DGKB: variants seen among roughly 807,000 people sequenced by gnomAD.
The protein encoded by DGKB is 90 kDa diacylglycerol kinase.
Under a neutral mutation model 114.3 loss-of-function variants are expected in DGKB, and 67 were observed. That is an observed-to-expected ratio of 0.59 (90% CI 0.48 to 0.72). The LOEUF (loss-of-function observed/expected upper bound fraction) is 0.72. DGKB is among the 30% of genes least tolerant of loss of function. DGKB has a pLI of 0.00. For missense variants in DGKB, 907 were observed against 975.2 expected (o/e 0.93, Z 0.93); for synonymous variants, 398 against 323.1 (o/e 1.23, Z -2.49).
chr7:14,152,320 G>A (rs1476977925), intron 25 of DGKB, among the ~76,000 whole-genome samples: 1 of 151,968 alleles, frequency 6.6e-6, no homozygotes, highest in East Asian at 1.9e-4. Context: ...TGTGAACAAG[G>A]CATTTTGCAA....
chr7:14,778,817 G>A (rs1221367716), intron 2 of DGKB, among the ~76,000 whole-genome samples: 1 of 152,146 alleles, frequency 6.6e-6, no homozygotes, highest in Admixed American at 6.5e-5. Flanking sequence ...AGTAGAAAGA[G>A]AAAATATTTC....
chr7:14,239,651 A>G (rs1054486477), intron 23 of DGKB, among the ~76,000 whole-genome samples: 2 of 152,058 alleles, frequency 1.3e-5, no homozygotes, highest in East Asian at 1.9e-4. Context: ...TGCTAAGATC[A>G]AAAGATCAAT....
At chr7:14,636,194 A>G (rs1291879746) in intron 13 of DGKB, among the ~76,000 whole-genome samples, 1 of 151,796 alleles carries the variant, frequency 6.6e-6, no homozygotes, top group African/African-American at 2.4e-5. Context: ...CAACCTTATC[A>G]TGAACTTTCA....
At chr7:14,250,547 T>C (rs1435313178) in intron 23 of DGKB, among the ~76,000 whole-genome samples, 1 of 152,186 alleles carries the variant, frequency 6.6e-6, no homozygotes, top group East Asian at 1.9e-4. Flanking sequence ...TTAAATGTGT[T>C]AAAATGTGTG....
chr7:14,258,693 A>G (rs1457390561), intron 23 of DGKB, among the ~76,000 whole-genome samples: 2 of 152,214 alleles, frequency 1.3e-5, no homozygotes, highest in Non-Finnish European at 1.5e-5. Flanking sequence ...AAGCACAATC[A>G]AGTCTATGTA....
intron 1 of DGKB, among the ~76,000 whole-genome samples, chr7:14,896,129 A>C (rs997192991): frequency 2.6e-5 from 4 of 151,774 alleles, no homozygotes; most frequent in Non-Finnish European, 4.4e-5. Flanking sequence ...ATATTTCCCC[A>C]ACATGCTTAG....
intron 20 of DGKB, among the ~76,000 whole-genome samples, chr7:14,543,033 T>C (rs561152044): frequency 7.4e-4 from 112 of 152,308 alleles, no homozygotes; most frequent in African/African-American, 2.5e-3. Flanking sequence ...TTGTAACATA[T>C]TACTTGTCCA....
chr7:14,182,650 A>G (rs1450252958), intron 23 of DGKB, among the ~76,000 whole-genome samples: 1 of 152,192 alleles, frequency 6.6e-6, no homozygotes, highest in Non-Finnish European at 1.5e-5. Context: ...CATCTGTTAC[A>G]CAGGTAATCA....
intron 1 of DGKB, among the ~76,000 whole-genome samples, chr7:14,938,486 T>C (rs1045022489): frequency 6.6e-6 from 1 of 152,190 alleles, no homozygotes; most frequent in African/African-American, 2.4e-5. Flanking sequence ...AACAAATCTG[T>C]AGAGAGACAG....
chr7:14,201,791 A>T (rs1785932432), intron 23 of DGKB, among the ~76,000 whole-genome samples: 1 of 151,998 alleles, frequency 6.6e-6, no homozygotes, highest in Non-Finnish European at 1.5e-5. Context: ...ATTACAAATT[A>T]AAAAAATAAG....
chr7:14,584,212 T>C (rs1584957406), intron 17 of DGKB, among the ~76,000 whole-genome samples: 1 of 152,346 alleles, frequency 6.6e-6, no homozygotes, highest in East Asian at 1.9e-4. Flanking sequence ...CATCATGTTT[T>C]ATAATAAGTT....
rs530115247 is a variant in DGKB, at chr7:14,930,895, G to C, written c.-188+43801C>G. Among the ~76,000 whole-genome samples the C allele has an allele frequency of 5.9e-5, 9 of 152,116 alleles. No homozygotes were observed. The East Asian group carries it at 1.7e-3, about 29-fold the overall frequency. On this transcript the variant is annotated intron_variant, in intron 1 of 4. Coordinates refer to the DGKB transcript ENST00000437998. The stretch of plus-strand genomic sequence containing the variant: ...GGGATGTTTCTTCTATGTCTGGTTT[G>C]TTGAGTATTTTTATCATGAAGGTAT...
At chr7:14,638,589 C>G (rs1015165737) in intron 13 of DGKB, among the ~76,000 whole-genome samples, 1 of 152,018 alleles carries the variant, frequency 6.6e-6, no homozygotes, top group African/African-American at 2.4e-5. Flanking sequence ...AAATTAGGCA[C>G]TAGACATAAA....
intron 4 of DGKB, among the ~76,000 whole-genome samples, chr7:14,745,055 C>A (rs1833075231): frequency 6.6e-6 from 1 of 152,272 alleles, no homozygotes; most frequent in African/African-American, 2.4e-5. Flanking sequence ...ACCAAAGGAG[C>A]AAACCAAAGC....
chr7:14,620,479 A>G (rs1807408954), intron 15 of DGKB, among the ~76,000 whole-genome samples: 1 of 151,770 alleles, frequency 6.6e-6, no homozygotes, highest in Non-Finnish European at 1.5e-5. Flanking sequence ...AAATAAAATA[A>G]GAAATAAAAA....
intron 15 of DGKB, 173 bp downstream of exon 15, chr7:14,621,205 G>T: frequency 1.9e-6 from 1 of 517,762 alleles, no homozygotes. Flanking sequence ...ATGTTACTCT[G>T]TCAATCAACC....
intron 23 of DGKB, among the ~76,000 whole-genome samples, chr7:14,312,186 T>C (rs1805503225): frequency 6.6e-6 from 1 of 152,220 alleles, no homozygotes; most frequent in Non-Finnish European, 1.5e-5. Flanking sequence ...GTTAACTCTC[T>C]TGACCCCTAT....
chr7:14,398,340 G>A (rs1355960233), intron 21 of DGKB, among the ~76,000 whole-genome samples: 3 of 151,956 alleles, frequency 2.0e-5, no homozygotes, highest in Non-Finnish European at 4.4e-5. Flanking sequence ...ATGAAAATTA[G>A]AAAAACAGAC....
At chr7:14,232,663 A>T (rs1792093729) in intron 23 of DGKB, among the ~76,000 whole-genome samples, 1 of 152,076 alleles carries the variant, frequency 6.6e-6, no homozygotes, top group African/African-American at 2.4e-5. Context: ...AGAAAGCAAA[A>T]AAACTAACTT....
Sources: allele counts gnomAD v4.1 joint callset (sites outside exome capture counted in the v4.1 genomes callset), GRCh38; gene constraint gnomAD v4.1.1; transcripts MANE v1.5; gene names NCBI Gene and HGNC (gene_info 2026-07-23, HGNC 2026-07-21).